The following UHRF1 variants were observed in gnomAD, a reference collection of about 807,000 sequenced individuals.
UHRF1 encodes ubiquitin like with PHD and ring finger domains 1.
A neutral mutation model predicts 96.5 loss-of-function variants in UHRF1; 9 were observed. The ratio of observed to expected loss-of-function variants is 0.09; its 90% CI spans 0.06 to 0.16. The LOEUF is 0.16. Among genes scored for constraint, UHRF1 ranks in the 10% least tolerant of loss-of-function variants. The pLI is 1.00. For synonymous variants in UHRF1, 455 were observed against 469.9 expected (o/e 0.97, Z 0.41); for missense variants, 626 against 1,131.1 (o/e 0.55, Z 6.40).
chr19:4,934,890 T>G (rs2146342284), intron 5 of UHRF1, among the ~76,000 whole-genome samples: 1 of 152,290 alleles, frequency 6.6e-6, no homozygotes, highest in South Asian at 2.1e-4. Context: ...TGGTCTTTAT[T>G]CTCTGCTAGG....
At chr19:4,937,912 AGGCGGAGGTG>A (rs1304553309) in intron 5 of UHRF1, among the ~76,000 whole-genome samples, 3 of 152,156 alleles carry the variant, frequency 2.0e-5, no homozygotes, top group Admixed American at 2.0e-4. Flanking sequence ...GCACTTGGAG[AGGCGGAGGTG>A]GGCGGATCAC....
chr19:4,958,569 T>A (rs1301879402), intron 16 of UHRF1, among the ~76,000 whole-genome samples: 1 of 152,240 alleles, frequency 6.6e-6, no homozygotes, highest in Non-Finnish European at 1.5e-5. Flanking sequence ...CTAACCAGCA[T>A]CACGGTGTCC....
Position 4,941,412 on chromosome 19 carries a change from G to C in UHRF1, c.786-116G>C, listed in dbSNP as rs1218614620. On this transcript the variant is annotated intron_variant, in intron 5 of 16. Coordinates refer to ENST00000650932, the MANE Select transcript of UHRF1 (RefSeq NM_001048201.3). ...CTGTGAGTGCAGCTTTGATTGCTAG[G>C]GGGCGTAGCTGAGCTGTTGCCCCAG... 2.2e-5 allele frequency: 16 copies of C among 726,310 alleles called. No homozygotes were observed. The Admixed American group carries it at 3.8e-4, about 17-fold the overall frequency. The allele number at this position is 726,310 out of a possible 1,614,324, so 45.0% of individuals were successfully genotyped here.
At position 4,911,183 on chromosome 19, in the gene UHRF1, C is replaced by T. The variant is rs1438273976; in HGVS notation, c.153+145C>T. 4.0e-6 allele frequency: 3 copies of T among 757,440 alleles called. No individual in the cohort carries two copies. In the African/African-American group the frequency reaches 5.4e-5, roughly 14 times the overall value. 46.9% of individuals were successfully genotyped at this position (757,440 alleles called of 1,614,324 possible). A position where few individuals can be genotyped will look rare whatever the true frequency, so the allele number is the denominator to read the frequency against. On this transcript the variant is annotated intron_variant, in intron 2 of 16. Transcript: ENST00000650932. ...CATCTCTCCCGGAAGGAGAAGTCCA[C>T]AGAAACCTCAAATGCCTGCGAGAGG...
chr19:4,944,483 C>G (rs773847596), intron 9 of UHRF1, 33 bp downstream of exon 9: 4 of 1,610,032 alleles, frequency 2.5e-6, no homozygotes, highest in Non-Finnish European at 3.4e-6. Context: ...CCAGGGGCCA[C>G]GCGGGCTCAT....
intron 2 of UHRF1, among the ~76,000 whole-genome samples, chr19:4,913,339 C>T (rs2032359569): frequency 6.8e-6 from 1 of 146,972 alleles, no homozygotes; most frequent in Admixed American, 7.0e-5. Flanking sequence ...CTGCAACCTT[C>T]ATCTCCCAAG....
In UHRF1 at chr19:4,909,585, A is replaced by G. The variant is rs1242868337; in HGVS notation, c.-81A>G. Reference sequence around the variant, plus strand: ...AGTCCGCGCGGGGTCCGGGCCACGCACGCGGTTTCATCGCCATCCCCAGCC... The same window carrying G: ...AGTCCGCGCGGGGTCCGGGCCACGCGCGCGGTTTCATCGCCATCCCCAGCC... On this transcript the variant is annotated 5_prime_UTR_variant, in exon 1 of 17. Transcript: ENST00000650932. The G allele has an allele frequency of 3.1e-6, 2 of 652,722 alleles. No homozygotes were observed. Among genetic ancestry groups the G allele is most frequent in the South Asian group, 1.6e-5 (1 of 62,750 alleles). 40.4% of individuals were successfully genotyped at this position (652,722 alleles called of 1,614,324 possible). A position where few individuals can be genotyped will look rare whatever the true frequency, so the allele number is the denominator to read the frequency against.
intron 2 of UHRF1, among the ~76,000 whole-genome samples, chr19:4,912,175 G>C (rs935997248): frequency 2.0e-5 from 3 of 152,168 alleles, no homozygotes; most frequent in African/African-American, 7.2e-5. Context: ...GGGAGGAGGC[G>C]ATCTGGAGAA....
intron 7 of UHRF1, among the ~76,000 whole-genome samples, chr19:4,943,931 G>A (rs1018660571): frequency 2.0e-5 from 3 of 152,164 alleles, no homozygotes; most frequent in African/African-American, 7.2e-5. Flanking sequence ...GATTACAGGC[G>A]TGAGCCACTG....
intron 1 of UHRF1, among the ~76,000 whole-genome samples, chr19:4,904,110 G>A (rs2032009912): frequency 6.6e-6 from 1 of 152,084 alleles, no homozygotes; most frequent in African/African-American, 2.4e-5. Context: ...CCAAGTAGCT[G>A]GGATTACGGG....
intron 5 of UHRF1, among the ~76,000 whole-genome samples, chr19:4,933,800 A>T (rs1318537190): frequency 6.6e-6 from 1 of 152,136 alleles, no homozygotes. Context: ...ACGTGGTCAC[A>T]CCCATTTTTA....
At chr19:4,949,469 CATAG>C (rs1406360084) in intron 11 of UHRF1, among the ~76,000 whole-genome samples, 1 of 116,988 alleles carries the variant, frequency 8.5e-6, no homozygotes, top group East Asian at 3.4e-4. Flanking sequence ...ACAATTGGCA[CATAG>C]ACACACACAC....
chr19:4,920,950 C>G (rs959681355), intron 2 of UHRF1, among the ~76,000 whole-genome samples: 8 of 150,132 alleles, frequency 5.3e-5, no homozygotes, highest in African/African-American at 1.7e-4. Flanking sequence ...ATGGTGAAAC[C>G]CTGTCTCTAC....
At chr19:4,944,505 G>A in intron 9 of UHRF1, 55 bp downstream of exon 9, 3 of 1,596,668 alleles carry the variant, frequency 1.9e-6, no homozygotes, top group African/African-American at 1.3e-5. Flanking sequence ...CTGCTTTTCT[G>A]GGGGCAGTTT....
chr19:4,915,010 A>T (rs865997491), intron 2 of UHRF1, among the ~76,000 whole-genome samples: 2 of 152,336 alleles, frequency 1.3e-5, no homozygotes, highest in Middle Eastern at 6.8e-3. Context: ...GGTGCGGAGC[A>T]GCGTCCCTGG....
chr19:4,947,486 A>T (rs1240743345), intron 11 of UHRF1, among the ~76,000 whole-genome samples: 1 of 93,630 alleles, frequency 1.1e-5, no homozygotes, highest in Non-Finnish European at 2.2e-5. Flanking sequence ...CAGATAATAG[A>T]TATCTTTTTT....
intron 2 of UHRF1, among the ~76,000 whole-genome samples, chr19:4,919,027 T>A (rs2032616599): frequency 1.4e-5 from 1 of 73,696 alleles, no homozygotes; most frequent in African/African-American, 1.1e-4. Flanking sequence ...TGACCTCATT[T>A]TTTTTTTTTT....
At chr19:4,944,643 TG>T (rs1239164170) in intron 9 of UHRF1, among the ~76,000 whole-genome samples, 193 bp downstream of exon 9, 1 of 151,890 alleles carries the variant, frequency 6.6e-6, no homozygotes, top group Non-Finnish European at 1.5e-5. Flanking sequence ...AATGAATCCT[TG>T]GGGGTGGGGG....
At chr19:4,948,757 C>G (rs189839693) in intron 11 of UHRF1, among the ~76,000 whole-genome samples, 104 of 151,698 alleles carry the variant, frequency 6.9e-4, no homozygotes, top group Admixed American at 1.9e-3. Flanking sequence ...CGAAATCATG[C>G]CATTGCACTC....
Sources: gnomAD v4.1 joint callset for allele counts (sites outside exome capture counted in the v4.1 genomes callset) on GRCh38, gnomAD v4.1.1 for gene constraint, MANE v1.5 for transcripts, NCBI Gene and HGNC (gene_info 2026-07-23, HGNC 2026-07-21) for gene names.